PRELID2: variants seen among roughly 807,000 people sequenced by gnomAD.
PRELID2 encodes the protein PRELI domain-containing protein 2.
A neutral mutation model predicts 28.4 loss-of-function variants in PRELID2; 25 were observed. That is an observed-to-expected ratio of 0.88 (90% CI 0.64 to 1.23). The LOEUF (loss-of-function observed/expected upper bound fraction) is 1.23. Ranked by LOEUF, PRELID2 falls within the 50% of genes most tolerant of loss-of-function variation. The probability of loss-of-function intolerance (pLI) is 0.00; values close to 1 mark genes in which losing one functional copy is unlikely to be tolerated. For missense variants in PRELID2, 201 were observed against 214.4 expected, an observed-to-expected ratio of 0.94 and a Z score of 0.39; for synonymous variants, 76 against 71.6, an observed-to-expected ratio of 1.06 and a Z score of -0.31.
At chr5:145,740,788 T>C (rs1366422684) in intron 1 of PRELID2, among the ~76,000 whole-genome samples, 3 of 118,054 alleles carry the variant, frequency 2.5e-5, no homozygotes, top group African/African-American at 1.0e-4. Flanking sequence ...TTTATACATA[T>C]CTTTATACAT....
intron 1 of PRELID2, among the ~76,000 whole-genome samples, chr5:145,723,225 T>A (rs930473798): frequency 6.6e-6 from 1 of 152,196 alleles, no homozygotes; most frequent in Non-Finnish European, 1.5e-5. Context: ...GAATGCAATG[T>A]ATCATAAATA....
chr5:145,682,735 A>C (rs1754961489), intron 1 of PRELID2, among the ~76,000 whole-genome samples: 1 of 152,184 alleles, frequency 6.6e-6, no homozygotes. Context: ...TCCTGAGGCC[A>C]CATGTGTACA....
the PRELID2 span, chr5:145,229,274 T>A: frequency 1.3e-6 from 1 of 757,066 alleles, no homozygotes; most frequent in Non-Finnish European, 2.4e-6. Flanking sequence ...GTTCTACAAC[T>A]GGTTCAAGGG....
intron 1 of PRELID2, among the ~76,000 whole-genome samples, chr5:145,732,366 A>G (rs1428572587): frequency 6.6e-6 from 1 of 152,224 alleles, no homozygotes; most frequent in Non-Finnish European, 1.5e-5. Flanking sequence ...AAAACTAATC[A>G]TTAGTGCTAG....
chr5:145,425,843 A>T, the PRELID2 span, among the ~76,000 whole-genome samples: 1 of 152,078 alleles, frequency 6.6e-6, no homozygotes, highest in Non-Finnish European at 1.5e-5. Flanking sequence ...TGAACTTAAA[A>T]GTTGAAGAAA....
the PRELID2 span, among the ~76,000 whole-genome samples, chr5:145,438,472 A>G: frequency 6.6e-6 from 1 of 152,078 alleles, no homozygotes; most frequent in African/African-American, 2.4e-5. Context: ...AACCCTAAAT[A>G]AACCAACCTT....
At chr5:145,801,245 T>G (rs1753121162) in intron 4 of PRELID2, among the ~76,000 whole-genome samples, 1 of 152,180 alleles carries the variant, frequency 6.6e-6, no homozygotes, top group African/African-American at 2.4e-5. Flanking sequence ...TTTAAACCAT[T>G]TTCAGCAACA....
At chr5:145,694,650 C>T (rs1475227658) in intron 1 of PRELID2, among the ~76,000 whole-genome samples, 1 of 152,204 alleles carries the variant, frequency 6.6e-6, no homozygotes, top group Non-Finnish European at 1.5e-5. Flanking sequence ...TAATTTATTT[C>T]ATGGATTCAA....
intron 1 of PRELID2, among the ~76,000 whole-genome samples, chr5:145,739,533 A>G (rs995928056): frequency 6.6e-6 from 1 of 152,158 alleles, no homozygotes; most frequent in East Asian, 1.9e-4. Context: ...TTGGAACATC[A>G]ACAAGAAAGA....
the PRELID2 span, among the ~76,000 whole-genome samples, chr5:145,372,392 C>T: frequency 7.4e-3 from 1,118 of 151,454 alleles, 10 homozygotes; most frequent in African/African-American, 0.026. Context: ...GAATAAGTGC[C>T]ATGTGGCACT....
chr5:145,489,592 A>C (rs780593747), intron 1 of PRELID2, among the ~76,000 whole-genome samples: 11 of 152,176 alleles, frequency 7.2e-5, no homozygotes, highest in Non-Finnish European at 1.3e-4. Flanking sequence ...TCCCTGTAAC[A>C]ACAAAGCCCT....
chr5:145,302,939 A>G, the PRELID2 span, among the ~76,000 whole-genome samples: 1 of 152,168 alleles, frequency 6.6e-6, no homozygotes, highest in Admixed American at 6.5e-5. Flanking sequence ...TATTACAATC[A>G]TGGGATTTGG....
At chr5:145,295,437 C>A in the PRELID2 span, among the ~76,000 whole-genome samples, 4 of 152,054 alleles carry the variant, frequency 2.6e-5, no homozygotes, top group Admixed American at 2.6e-4. Flanking sequence ...TACACTGACT[C>A]ATTGGAAAGT....
intron 1 of PRELID2, among the ~76,000 whole-genome samples, chr5:145,551,976 G>T (rs1752840049): frequency 6.6e-6 from 1 of 152,134 alleles, no homozygotes; most frequent in African/African-American, 2.4e-5. Flanking sequence ...CCCATGGACT[G>T]AACCTCTCCT....
chr5:145,313,016 G>GA, the PRELID2 span, among the ~76,000 whole-genome samples: 145 of 151,012 alleles, frequency 9.6e-4, no homozygotes, highest in Non-Finnish European at 1.2e-3. Context: ...TACAGAAATA[G>GA]AAAAAAAAAT....
At chr5:145,332,695 C>T in the PRELID2 span, among the ~76,000 whole-genome samples, 1 of 148,038 alleles carries the variant, frequency 6.8e-6, no homozygotes, top group Admixed American at 6.7e-5. Context: ...TCTTAGCTTC[C>T]TTGCATTGGG....
At chr5:145,727,668 C>A (rs746524234) in intron 1 of PRELID2, among the ~76,000 whole-genome samples, 1 of 152,124 alleles carries the variant, frequency 6.6e-6, no homozygotes, top group Non-Finnish European at 1.5e-5. Flanking sequence ...TGTAGAGCCT[C>A]CAATGGCCTT....
intron 6 of PRELID2, 84 bp downstream of exon 6, chr5:145,764,847 A>G: frequency 1.1e-6 from 1 of 941,602 alleles, no homozygotes; most frequent in Non-Finnish European, 1.7e-6. Flanking sequence ...TGAATAGCCC[A>G]GGGAGGCTGC....
At chr5:145,549,580 G>A (rs1482926331) in intron 1 of PRELID2, among the ~76,000 whole-genome samples, 1 of 152,104 alleles carries the variant, frequency 6.6e-6, no homozygotes, top group Non-Finnish European at 1.5e-5. Context: ...GGAGCACGAG[G>A]TCAGGAGATT....
Sources: gnomAD v4.1 joint callset for allele counts (sites outside exome capture counted in the v4.1 genomes callset) on GRCh38, gnomAD v4.1.1 for gene constraint, MANE v1.5 for transcripts, NCBI Gene and HGNC (gene_info 2026-07-23, HGNC 2026-07-21) for gene names.